Variants in FHIT observed in about 807,000 individuals in gnomAD.
FHIT encodes fragile histidine triad diadenosine triphosphatase.
A neutral mutation model predicts 17.9 loss-of-function variants in FHIT; 19 were observed. The ratio of observed to expected loss-of-function variants is 1.06; its 90% CI spans 0.74 to 1.56. FHIT has a LOEUF of 1.56. Ranked by LOEUF, FHIT falls within the 40% of genes most tolerant of loss-of-function variation. The probability of loss-of-function intolerance (pLI) is 0.00; values close to 1 mark genes in which losing one functional copy is unlikely to be tolerated. For missense variants in FHIT, 248 were observed against 189.2 expected, an observed-to-expected ratio of 1.31 and a Z score of -1.82; for synonymous variants, 81 against 69.7, an observed-to-expected ratio of 1.16 and a Z score of -0.81.
At chr3:61,179,480 G>A (rs1175823450) in intron 2 of FHIT, among the ~76,000 whole-genome samples, 1 of 151,974 alleles carries the variant, frequency 6.6e-6, no homozygotes, top group Non-Finnish European at 1.5e-5. Flanking sequence ...TGGCTAAGGT[G>A]AGAGGATTGC....
intron 4 of FHIT, among the ~76,000 whole-genome samples, chr3:60,677,733 T>C (rs1484119267): frequency 6.6e-6 from 1 of 152,140 alleles, no homozygotes; most frequent in East Asian, 1.9e-4. Flanking sequence ...AGAGTTTCAG[T>C]AGGATGAGTA....
At chr3:61,201,728 T>C (rs1440722168) in intron 1 of FHIT, among the ~76,000 whole-genome samples, 1 of 146,780 alleles carries the variant, frequency 6.8e-6, no homozygotes, top group Non-Finnish European at 1.5e-5. Context: ...TGGGACAGCA[T>C]CAGAAATTTC....
At chr3:59,996,679 T>C (rs529870401) in intron 7 of FHIT, among the ~76,000 whole-genome samples, 1 of 152,158 alleles carries the variant, frequency 6.6e-6, no homozygotes, top group Admixed American at 6.5e-5. Flanking sequence ...ATGATTAGCA[T>C]GAAAGCCTGG....
At chr3:59,801,903 A>C (rs896833003) in intron 8 of FHIT, among the ~76,000 whole-genome samples, 7 of 152,074 alleles carry the variant, frequency 4.6e-5, no homozygotes. Flanking sequence ...TCTGACCACA[A>C]CCTCAAAGTC....
chr3:61,145,162 C>A (rs1310127343), intron 2 of FHIT, among the ~76,000 whole-genome samples: 1 of 152,054 alleles, frequency 6.6e-6, no homozygotes, highest in Non-Finnish European at 1.5e-5. Context: ...GGATTTTATA[C>A]TGTTACCTTT....
chr3:60,449,448 A>ACACACACG (rs2107361748), intron 5 of FHIT, among the ~76,000 whole-genome samples: 1 of 151,930 alleles, frequency 6.6e-6, no homozygotes. Context: ...ACACACACAC[A>ACACACACG]TATGCAGTAA....
chr3:60,110,566 T>C (rs1334627095), intron 5 of FHIT, among the ~76,000 whole-genome samples: 2 of 152,194 alleles, frequency 1.3e-5, no homozygotes, highest in African/African-American at 4.8e-5. Flanking sequence ...TCTGTTTCCA[T>C]CTTTGGTAGC....
chr3:61,202,521 A>AG (rs1560067807), intron 1 of FHIT, among the ~76,000 whole-genome samples: 2 of 151,980 alleles, frequency 1.3e-5, no homozygotes, highest in African/African-American at 4.8e-5. Flanking sequence ...AAAAAAAAAA[A>AG]AGAGAGAGAG....
At chr3:60,640,127 G>C (rs2039689663) in intron 4 of FHIT, among the ~76,000 whole-genome samples, 1 of 152,168 alleles carries the variant, frequency 6.6e-6, no homozygotes, top group African/African-American at 2.4e-5. Context: ...TGAGAGCTGG[G>C]AGTGACAGAA....
chr3:61,009,384 A>G (rs1392548938), intron 3 of FHIT, among the ~76,000 whole-genome samples: 1 of 152,206 alleles, frequency 6.6e-6, no homozygotes, highest in Non-Finnish European at 1.5e-5. Flanking sequence ...CTCCACTACC[A>G]TATATGAAAT....
rs1388388333 is a variant in FHIT, at chr3:60,569,738, T to G, written c.-17-32759A>C. 8.7e-4 allele frequency among the ~76,000 whole-genome samples: 54 copies of G among 61,754 alleles called. 1 individual carries two copies. The highest frequency in any genetic ancestry group is 3.8e-3 in the African/African-American group (52 of 13,762). 40.5% of individuals were successfully genotyped at this position (61,754 alleles called of 152,430 possible). A position where few individuals can be genotyped will look rare whatever the true frequency, so the allele number is the denominator to read the frequency against. ...TATTTATTAATACTATATATATATA[T>G]ATATATATATATATATATTTTTTTT... On this transcript the variant is annotated intron_variant, in intron 4 of 9. Transcript: ENST00000492590.
chr3:60,565,080 A>G (rs2037084776), intron 4 of FHIT, among the ~76,000 whole-genome samples: 1 of 152,120 alleles, frequency 6.6e-6, no homozygotes, highest in Non-Finnish European at 1.5e-5. Flanking sequence ...TTGAGGCAAG[A>G]CCTTCCCATT....
intron 4 of FHIT, among the ~76,000 whole-genome samples, chr3:60,664,778 C>T (rs142435153): frequency 1.9e-3 from 283 of 146,572 alleles, no homozygotes; most frequent in Middle Eastern, 7.2e-3. Context: ...TAAAGTTGTT[C>T]ATAGTATTTT....
intron 5 of FHIT, among the ~76,000 whole-genome samples, chr3:60,314,238 G>T (rs1373740189): frequency 8.5e-6 from 1 of 117,738 alleles, no homozygotes; most frequent in Admixed American, 8.2e-5. Flanking sequence ...TGATTAATAA[G>T]AGATATAGGA....
chr3:60,560,894 G>A (rs1307126444), intron 4 of FHIT, among the ~76,000 whole-genome samples: 7 of 151,326 alleles, frequency 4.6e-5, no homozygotes, highest in African/African-American at 1.7e-4. Flanking sequence ...TGGGGAGGAA[G>A]TGAGTAGGAA....
intron 4 of FHIT, among the ~76,000 whole-genome samples, chr3:60,590,013 C>T (rs2038032412): frequency 6.6e-6 from 1 of 151,984 alleles, no homozygotes; most frequent in East Asian, 1.9e-4. Context: ...GTGATGCCTC[C>T]AAGAGAGGAC....
chr3:61,026,379 C>T lies in FHIT; in HGVS notation c.-111+15668G>A, dbSNP rs552585330. 3.0e-4 allele frequency among the ~76,000 whole-genome samples: 45 copies of T among 152,142 alleles called. 2 individuals are homozygous for T. The South Asian group carries it at 6.9e-3, about 23-fold the overall frequency. Reference sequence around the variant, plus strand: ...AGCCTTGGTTTCCTCTTCTATAGAACGACAATAATAATGGTACTCACAAGA... The same window carrying T: ...AGCCTTGGTTTCCTCTTCTATAGAATGACAATAATAATGGTACTCACAAGA... On this transcript the variant is annotated intron_variant, in intron 3 of 9. Coordinates refer to ENST00000492590, the MANE Select transcript of FHIT (RefSeq NM_002012.4).
At chr3:60,081,910 A>AT (rs111658268) in intron 5 of FHIT, among the ~76,000 whole-genome samples, 63,012 of 149,342 alleles carry the variant, frequency 0.42, 13,643 homozygotes, top group African/African-American at 0.54. Flanking sequence ...ACGTTAAGTG[A>AT]TTTTTTTTTT....
intron 5 of FHIT, among the ~76,000 whole-genome samples, chr3:60,270,130 G>A (rs370997434): frequency 1.3e-4 from 20 of 152,290 alleles, no homozygotes; most frequent in South Asian, 2.1e-4. Context: ...TTGTGACAGC[G>A]AAGTCAGGTG....
Sources: gnomAD v4.1 joint callset for allele counts (sites outside exome capture counted in the v4.1 genomes callset) on GRCh38, gnomAD v4.1.1 for gene constraint, MANE v1.5 for transcripts, NCBI Gene and HGNC (gene_info 2026-07-23, HGNC 2026-07-21) for gene names.